The following THRB variants were observed in gnomAD, a reference collection of about 807,000 sequenced individuals.
The protein encoded by THRB is thyroid hormone receptor beta, also known as nuclear receptor subfamily 1 group A member 2.
A neutral mutation model predicts 47.8 loss-of-function variants in THRB; 12 were observed. The observed-to-expected ratio is 0.25, with a 90% CI of 0.16 to 0.41. The LOEUF is 0.41. Among genes scored for constraint, THRB ranks in the 10% least tolerant of loss-of-function variants. THRB has a pLI of 1.00. For synonymous variants in THRB, 218 were observed against 212.2 expected (o/e 1.03, Z -0.24); for missense variants, 348 against 589.2 (o/e 0.59, Z 4.24).
intron 3 of THRB, among the ~76,000 whole-genome samples, chr3:24,276,638 T>C (rs892934697): frequency 6.6e-6 from 1 of 152,196 alleles, no homozygotes; most frequent in African/African-American, 2.4e-5. Context: ...ATTACCACAA[T>C]GTGCAAGGCA....
intron 1 of THRB, among the ~76,000 whole-genome samples, chr3:24,388,898 C>T (rs1453683655): frequency 3.3e-5 from 5 of 152,158 alleles, no homozygotes; most frequent in Admixed American, 3.3e-4. Context: ...TAGTAGTAAT[C>T]TTGGTAGCTC....
At chr3:24,180,825 C>T (rs760902749) in intron 5 of THRB, among the ~76,000 whole-genome samples, 68 of 152,284 alleles carry the variant, frequency 4.5e-4, no homozygotes, top group Non-Finnish European at 8.8e-4. Flanking sequence ...GTATGTGCTT[C>T]CTAGACTGCA....
At chr3:24,204,609 A>G (rs1221948614) in intron 4 of THRB, among the ~76,000 whole-genome samples, 3 of 152,206 alleles carry the variant, frequency 2.0e-5, no homozygotes, top group Admixed American at 6.5e-5. Flanking sequence ...TCCCCCTCCA[A>G]AGGAACACAG....
At chr3:24,238,386 C>T (rs2049134145) in intron 3 of THRB, among the ~76,000 whole-genome samples, 1 of 150,678 alleles carries the variant, frequency 6.6e-6, no homozygotes, top group Non-Finnish European at 1.5e-5. Context: ...TGCAGAACCA[C>T]CAGATGCCAG....
intron 1 of THRB, among the ~76,000 whole-genome samples, chr3:24,344,345 G>A (rs1433350253): frequency 2.0e-5 from 3 of 151,864 alleles, no homozygotes; most frequent in African/African-American, 7.3e-5. Context: ...TTTTCTATCT[G>A]ACATTTGAAA....
At chr3:24,203,942 G>A (rs112913576) in intron 4 of THRB, among the ~76,000 whole-genome samples, 2 of 152,242 alleles carry the variant, frequency 1.3e-5, no homozygotes, top group African/African-American at 4.8e-5. Context: ...ACTGCAAGGT[G>A]GCAGCAAGGC....
rs114056310 is a variant in THRB at position 24,201,664 on chromosome 3, G to A, written c.23-11330C>T. 3.9e-5 allele frequency among the ~76,000 whole-genome samples: 6 copies of A among 152,306 alleles called. No homozygotes were observed. In the East Asian group the frequency reaches 9.6e-4, roughly 24 times the overall value. Reference sequence around the variant, plus strand: ...CCATGATTTTCCTATTCAGAAATCAGAGGGGAAAGTAGTAGTTGATGAATT... The same window carrying A: ...CCATGATTTTCCTATTCAGAAATCAAAGGGGAAAGTAGTAGTTGATGAATT... On this transcript the variant is annotated intron_variant, in intron 4 of 10. Transcript: ENST00000646209.
chr3:24,267,114 G>T (rs1019129495), intron 3 of THRB, among the ~76,000 whole-genome samples: 10 of 151,954 alleles, frequency 6.6e-5, no homozygotes, highest in Non-Finnish European at 1.0e-4. Flanking sequence ...CAGAACGAGA[G>T]AAACAAACTG....
Position 24,460,590 on chromosome 3 carries a change from A to T in THRB, c.-261+34062T>A, listed in dbSNP as rs150924616. Among the ~76,000 whole-genome samples, 396 of 152,344 alleles carry T rather than the reference A, an allele frequency of 2.6e-3. 4 individuals carry two copies. Among genetic ancestry groups the T allele is most frequent in the African/African-American group, 9.1e-3 (378 of 41,582 alleles). ...AACATAAAGCTTAACTTTATAATTC[A>T]CTAAGTAATGATTGGCTATCTTGAG... On this transcript the variant is annotated intron_variant, in intron 1 of 10. Transcript: ENST00000646209.
At position 24,233,560 on chromosome 3, in the gene THRB, GAAGA is replaced by G. The variant is rs769459380; in HGVS notation, c.-42-4563_-42-4560del. Among the ~76,000 whole-genome samples the G allele has an allele frequency of 9.3e-3, 719 of 77,330 alleles. 8 individuals are homozygous for G. The highest frequency in any genetic ancestry group is 0.019 in the Admixed American group (157 of 8,166). 50.7% of individuals were successfully genotyped at this position (77,330 alleles called of 152,430 possible). A position where few individuals can be genotyped will look rare whatever the true frequency, so the allele number is the denominator to read the frequency against. On this transcript the variant is annotated intron_variant, in intron 3 of 10. Transcript: ENST00000646209. ...GAAAGAAAGAGAAAGAAAGAAAAAG[GAAGA>G]AAGAAAGAAAGAAAGAAAGAAAGAA... is the stretch of plus-strand genomic sequence containing the variant.
At chr3:24,162,306 G>C (rs1034083947) in intron 5 of THRB, among the ~76,000 whole-genome samples, 1 of 151,820 alleles carries the variant, frequency 6.6e-6, no homozygotes, top group Non-Finnish European at 1.5e-5. Context: ...CAAACTTACT[G>C]CCTTCTTCTC....
chr3:24,194,081 G>A (rs2043678582), intron 4 of THRB, among the ~76,000 whole-genome samples: 1 of 152,288 alleles, frequency 6.6e-6, no homozygotes, highest in East Asian at 1.9e-4. Context: ...CTATGAGGAT[G>A]CAAAGGCATA....
In THRB at chr3:24,118,373, C is replaced by G. The variant is rs2031022686; in HGVS notation, c.*4511G>C. 2 of 152,454 alleles carry G rather than the reference C, an allele frequency of 1.3e-5. No homozygotes were observed. Among genetic ancestry groups the G allele is most frequent in the Admixed American group, 6.6e-5 (1 of 15,264 alleles). The allele number at this position is 152,454 out of a possible 1,614,324, so 9.4% of individuals were successfully genotyped here. A position where few individuals can be genotyped will look rare whatever the true frequency, so the allele number is the denominator to read the frequency against. On this transcript the variant is annotated 3_prime_UTR_variant, in exon 11 of 11. Coordinates refer to ENST00000646209, the MANE Select transcript of THRB (RefSeq NM_001354712.2). ...TTTGGATAGTTTAAAACATTTTGAT[C>G]ACAGATTTCAACAGAGTTTTAGGCT...
intron 3 of THRB, among the ~76,000 whole-genome samples, chr3:24,269,920 G>A (rs1559785495): frequency 6.6e-6 from 1 of 151,548 alleles, no homozygotes; most frequent in Non-Finnish European, 1.5e-5. Context: ...TTCCTTCTTT[G>A]GCTTTTTCTG....
chr3:24,281,449 G>A (rs2054596965), intron 3 of THRB, among the ~76,000 whole-genome samples: 1 of 151,994 alleles, frequency 6.6e-6, no homozygotes, highest in Non-Finnish European at 1.5e-5. Context: ...GCTAAACATG[G>A]AAAGGAACTG....
chr3:24,240,941 T>C (rs12634582), intron 3 of THRB, among the ~76,000 whole-genome samples: 55,066 of 151,976 alleles, frequency 0.36, 10,160 homozygotes, highest in East Asian at 0.55. Flanking sequence ...CTTTCCATCC[T>C]GACCAGCACA....
intron 4 of THRB, among the ~76,000 whole-genome samples, chr3:24,208,939 C>T (rs566342769): frequency 4.3e-4 from 66 of 152,132 alleles, no homozygotes; most frequent in Non-Finnish European, 7.9e-4. Context: ...TTGCAATCTA[C>T]GCATCTGACA....
chr3:24,187,399 C>G (rs1051885016), intron 5 of THRB, among the ~76,000 whole-genome samples: 1 of 152,218 alleles, frequency 6.6e-6, no homozygotes, highest in Non-Finnish European at 1.5e-5. Flanking sequence ...GGCAGATGGG[C>G]TCACTGCACA....
intron 2 of THRB, among the ~76,000 whole-genome samples, chr3:24,300,049 T>G (rs973524309): frequency 4.6e-5 from 7 of 152,018 alleles, no homozygotes; most frequent in African/African-American, 1.7e-4. Flanking sequence ...TCTAGATCTG[T>G]CCAGCCAACA....
Sources: gnomAD v4.1 joint callset for allele counts (sites outside exome capture counted in the v4.1 genomes callset) on GRCh38, gnomAD v4.1.1 for gene constraint, MANE v1.5 for transcripts, NCBI Gene and HGNC (gene_info 2026-07-23, HGNC 2026-07-21) for gene names.